The following CNTNAP4 variants were observed in gnomAD, a reference collection of about 807,000 sequenced individuals.
CNTNAP4 encodes contactin associated protein family member 4.
In CNTNAP4, 98 loss-of-function variants were observed where a neutral mutation model predicts 148.4. That is an observed-to-expected ratio of 0.66 (90% CI 0.56 to 0.78). CNTNAP4 has a LOEUF of 0.78. Among genes scored for constraint, CNTNAP4 ranks in the 30% least tolerant of loss-of-function variants. The pLI is 0.00. For synonymous variants in CNTNAP4, 730 were observed against 565.1 expected (o/e 1.29, Z -4.14); for missense variants, 1,935 against 1,565.6 (o/e 1.24, Z -3.98).
At chr16:76,319,801 CTCTAA>C (rs1430407173) in intron 2 of CNTNAP4, among the ~76,000 whole-genome samples, 2 of 152,220 alleles carry the variant, frequency 1.3e-5, no homozygotes. Context: ...AGGGGTTCTT[CTCTAA>C]GCCCACAGAG....
chr16:76,533,872 T>TTAAGCCAACACCCTTGGA (rs2084098830), intron 17 of CNTNAP4, among the ~76,000 whole-genome samples: 1 of 152,186 alleles, frequency 6.6e-6, no homozygotes, highest in African/African-American at 2.4e-5. Flanking sequence ...GACCTTGGCA[T>TTAAGCCAACACCCTTGGA]CCTTCACTGA....
intron 3 of CNTNAP4, among the ~76,000 whole-genome samples, chr16:76,363,021 G>C (rs1314407965): frequency 1.3e-5 from 2 of 150,020 alleles, no homozygotes; most frequent in African/African-American, 4.9e-5. Context: ...AGGAGTTCAA[G>C]ACCAGCCTGG....
At chr16:76,462,172 C>A (rs574240314) in intron 9 of CNTNAP4, 67 bp downstream of exon 9, 6 of 1,359,900 alleles carry the variant, frequency 4.4e-6, no homozygotes, top group South Asian at 1.3e-5. Flanking sequence ...CGTGTCTTGG[C>A]GAAGTCATCA....
intron 15 of CNTNAP4, among the ~76,000 whole-genome samples, chr16:76,519,820 A>C (rs941027064): frequency 1.3e-5 from 2 of 152,246 alleles, no homozygotes; most frequent in African/African-American, 4.8e-5. Flanking sequence ...AAAATTGTCC[A>C]CACACAAGCT....
In CNTNAP4 at chr16:76,462,000, G is replaced by A. The variant is rs750976969; in HGVS notation, c.1378G>A (p.Ala460Thr). ...GCAGTGGCATTCTGTCTCTTTATCTGCTAAAAAGAATCACTTGAGTGTGGC... is the reference window on the plus strand; with the variant it reads ...GCAGTGGCATTCTGTCTCTTTATCTACTAAAAAGAATCACTTGAGTGTGGC... ...DGQWHSVSLSAKKNHLSVAVD... is the reference protein window; with the variant it reads ...DGQWHSVSLSTKKNHLSVAVD... Residue 460 changes from alanine to threonine, a missense_variant, in exon 9 of 24, where the codon GCT becomes ACT. By Grantham distance (58) the Ala-to-Thr change is moderately conservative (BLOSUM62 0). Coordinates refer to ENST00000611870, the MANE Select transcript of CNTNAP4 (RefSeq NM_033401.5). 1.8e-5 allele frequency: 29 copies of A among 1,613,732 alleles called. No individual in the cohort carries two copies. In the South Asian group the frequency reaches 3.0e-4, roughly 16 times the overall value.
At chr16:76,510,789 C>T (rs1400223699) in intron 15 of CNTNAP4, among the ~76,000 whole-genome samples, 3 of 152,088 alleles carry the variant, frequency 2.0e-5, no homozygotes, top group Non-Finnish European at 4.4e-5. Context: ...CTGCCTATTG[C>T]CTTAACACTT....
At chr16:76,513,155 T>A (rs2083094938) in intron 15 of CNTNAP4, among the ~76,000 whole-genome samples, 1 of 152,154 alleles carries the variant, frequency 6.6e-6, no homozygotes, top group Admixed American at 6.5e-5. Context: ...TTGTGGACGG[T>A]TAATTCATTC....
chr16:76,280,128 A>C (rs1291637105), intron 1 of CNTNAP4, among the ~76,000 whole-genome samples: 1 of 152,186 alleles, frequency 6.6e-6, no homozygotes, highest in East Asian at 1.9e-4. Flanking sequence ...AATATAAATA[A>C]ATAAAATTAA....
chr16:76,366,292 T>C (rs12925117), intron 3 of CNTNAP4, among the ~76,000 whole-genome samples: 41,158 of 151,794 alleles, frequency 0.27, 6,075 homozygotes, highest in Non-Finnish European at 0.34. Context: ...CCACCCTCCA[T>C]TCTCAAGTAA....
chr16:76,399,044 C>A (rs2144824454), intron 3 of CNTNAP4, among the ~76,000 whole-genome samples: 1 of 152,162 alleles, frequency 6.6e-6, no homozygotes, highest in Middle Eastern at 3.4e-3. Flanking sequence ...AATTGGAATT[C>A]CCCTGCGCAA....
chr16:76,292,707 A>T (rs1035216064), intron 1 of CNTNAP4, among the ~76,000 whole-genome samples: 1 of 151,604 alleles, frequency 6.6e-6, no homozygotes, highest in African/African-American at 2.4e-5. Flanking sequence ...TATCAAAAAT[A>T]TTTTTTTTTC....
chr16:76,470,497 A>ATATATATATTT (rs398119511), intron 10 of CNTNAP4, among the ~76,000 whole-genome samples: 1 of 137,528 alleles, frequency 7.3e-6, no homozygotes, highest in Non-Finnish European at 1.5e-5. Flanking sequence ...ATATATATAT[A>ATATATATATTT]AAATTAGTCG....
chr16:76,314,494 G>A (rs1961491544), intron 1 of CNTNAP4, among the ~76,000 whole-genome samples: 1 of 152,210 alleles, frequency 6.6e-6, no homozygotes, highest in Non-Finnish European at 1.5e-5. Flanking sequence ...ATCATGGGGA[G>A]ATGAGCTCTG....
intron 9 of CNTNAP4, among the ~76,000 whole-genome samples, chr16:76,466,793 C>G (rs947281646): frequency 8.6e-5 from 13 of 151,972 alleles, no homozygotes; most frequent in Admixed American, 4.6e-4. Flanking sequence ...GCCATCAAGA[C>G]TTACTAAAAT....
chr16:76,321,979 G>C (rs1489335040), intron 2 of CNTNAP4, among the ~76,000 whole-genome samples: 1 of 151,928 alleles, frequency 6.6e-6, no homozygotes, highest in African/African-American at 2.4e-5. Context: ...TTGCCTGAGA[G>C]GTCCCATGAC....
At chr16:76,535,495 T>A in intron 17 of CNTNAP4, 50 bp from the exon 18 acceptor site, 1 of 1,594,150 alleles carries the variant, frequency 6.3e-7, no homozygotes, top group South Asian at 1.1e-5. Context: ...CTTTAAACCC[T>A]GAATAAAACA....
intron 8 of CNTNAP4, among the ~76,000 whole-genome samples, chr16:76,458,478 A>T (rs1205110963): frequency 2.0e-5 from 3 of 152,044 alleles, no homozygotes; most frequent in African/African-American, 4.8e-5. Flanking sequence ...GGGAGTCTTG[A>T]GCTTGTTTTC....
chr16:76,470,482 A>AATAT (rs67354977), intron 10 of CNTNAP4, among the ~76,000 whole-genome samples: 1 of 96,998 alleles, frequency 1.0e-5, no homozygotes, highest in African/African-American at 4.7e-5. Context: ...CTCTACTAAT[A>AATAT]ATATATATAT....
intron 3 of CNTNAP4, among the ~76,000 whole-genome samples, chr16:76,379,768 G>A (rs903433443): frequency 6.6e-6 from 1 of 152,180 alleles, no homozygotes; most frequent in Admixed American, 6.5e-5. Context: ...GATCTTAGCT[G>A]GTTCTGACCA....
Sources: gnomAD v4.1 joint callset for allele counts (sites outside exome capture counted in the v4.1 genomes callset) on GRCh38, gnomAD v4.1.1 for gene constraint, MANE v1.5 for transcripts, NCBI Gene and HGNC (gene_info 2026-07-23, HGNC 2026-07-21) for gene names.